BPNT2: variants seen among roughly 807,000 people sequenced by gnomAD.
BPNT2 encodes 3'(2'), 5'-bisphosphate nucleotidase 2.
BPNT2 carries 11 observed loss-of-function variants against 29.3 expected under a neutral mutation model. The observed-to-expected ratio is 0.38, with a 90% CI of 0.24 to 0.62. BPNT2 has a LOEUF of 0.62. BPNT2 is among the 20% of genes least tolerant of loss of function. The pLI is 0.62. For missense variants in BPNT2, 459 were observed against 473.4 expected (o/e 0.97, Z 0.28); for synonymous variants, 195 against 187.7 (o/e 1.04, Z -0.32).
In BPNT2 at chr8:56,980,200, G is replaced by C. The variant is rs889176246; in HGVS notation, c.388-3C>G. ...TCCACGTGTTCCTCAGTATTAATCT[G>C]CATTAAAAACAGGTGACAGTTAAAA... On this transcript the variant is annotated splice_polypyrimidine_tract_variant and splice_region_variant and intron_variant, in intron 1 of 4. Transcript: ENST00000262644. 1.2e-6 allele frequency: 2 copies of C among 1,611,998 alleles called. No homozygotes were observed. The highest frequency in any genetic ancestry group is 1.1e-5 in the South Asian group (1 of 90,986).
At chr8:56,988,413 A>G (rs1234654740) in intron 1 of BPNT2, among the ~76,000 whole-genome samples, 1 of 152,208 alleles carries the variant, frequency 6.6e-6, no homozygotes, top group Non-Finnish European at 1.5e-5. Context: ...CAATTACCTC[A>G]TTGGTAAAAA....
chr8:56,984,372 A>G (rs1365923511), intron 1 of BPNT2, among the ~76,000 whole-genome samples: 1 of 152,222 alleles, frequency 6.6e-6, no homozygotes, highest in East Asian at 1.9e-4. Context: ...CTACCCACCA[A>G]TGTAAACAAC....
chr8:56,974,074 A>G (rs1187011316), intron 3 of BPNT2, among the ~76,000 whole-genome samples: 2 of 152,094 alleles, frequency 1.3e-5, no homozygotes, highest in African/African-American at 4.8e-5. Context: ...TTTCCCTCTT[A>G]TTCAATCATA....
At chr8:56,964,123 CT>C (rs1805897092) in intron 4 of BPNT2, 59 bp from the exon 5 acceptor site, 1 of 1,276,960 alleles carries the variant, frequency 7.8e-7, no homozygotes, top group African/African-American at 1.5e-5. Context: ...AAGTAGCATA[CT>C]TTTTTGATTA....
intron 3 of BPNT2, among the ~76,000 whole-genome samples, chr8:56,971,789 C>CCCA (rs1554539102): frequency 1.4e-5 from 2 of 142,204 alleles, no homozygotes; most frequent in South Asian, 2.4e-4. Context: ...ACCACCCCCC[C>CCCA]CCCCACAATG....
In BPNT2 at chr8:56,960,746, G is replaced by T. The variant is rs191309561; in HGVS notation, c.*3047C>A. On this transcript the variant is annotated 3_prime_UTR_variant, in exon 5 of 5. Coordinates refer to ENST00000262644, the MANE Select transcript of BPNT2 (RefSeq NM_017813.5). ...TTTTACATTTACATTCTTGAACAAT[G>T]GGTAGAAAGAAATACTTCGTAAAAA... is the stretch of plus-strand genomic sequence containing the variant. The T allele has an allele frequency of 5.9e-5, 9 of 152,142 alleles. No homozygotes were observed. In the East Asian group the frequency reaches 1.7e-3, roughly 29 times the overall value. 9.4% of individuals were successfully genotyped at this position (152,142 alleles called of 1,614,324 possible).
At chr8:56,968,690 T>G (rs975735118) in intron 3 of BPNT2, among the ~76,000 whole-genome samples, 2 of 151,076 alleles carry the variant, frequency 1.3e-5, no homozygotes, top group Non-Finnish European at 3.0e-5. Context: ...ATAAAAAAAT[T>G]AGGAGAGGAC....
In BPNT2 at chr8:56,961,403, T is replaced by A. The variant is rs1445985353; in HGVS notation, c.*2390A>T. On this transcript the variant is annotated 3_prime_UTR_variant, in exon 5 of 5. Coordinates refer to ENST00000262644, the MANE Select transcript of BPNT2 (RefSeq NM_017813.5). Reference sequence around the variant, plus strand: ...ATATTGGCTTTTAAAAACAAACAATTTTAAAAATGAACTTTTTATAAAAGT... The same window carrying A: ...ATATTGGCTTTTAAAAACAAACAATATTAAAAATGAACTTTTTATAAAAGT... 1 of 152,082 alleles carries A rather than the reference T, an allele frequency of 6.6e-6. No homozygotes were observed. Among genetic ancestry groups the A allele is most frequent in the Non-Finnish European group, 1.5e-5 (1 of 68,020 alleles). 9.4% of individuals were successfully genotyped at this position (152,082 alleles called of 1,614,324 possible). A position where few individuals can be genotyped will look rare whatever the true frequency, so the allele number is the denominator to read the frequency against.
intron 3 of BPNT2, 144 bp from the exon 4 acceptor site, chr8:56,966,496 C>CT (rs995386306): frequency 4.7e-4 from 335 of 711,394 alleles, no homozygotes; most frequent in East Asian, 6.0e-4. Flanking sequence ...AAACAGAAAG[C>CT]TTTTTTTTTC....
At position 56,980,233 on chromosome 8, in the gene BPNT2, G is replaced by A. The variant is rs1324736627; in HGVS notation, c.388-36C>T. On this transcript the variant is annotated intron_variant, in intron 1 of 4. Coordinates refer to ENST00000262644, the MANE Select transcript of BPNT2 (RefSeq NM_017813.5). ...AACAGGTGACAGTTAAAAAAAGTAA[G>A]ACGAACAATCACTATTTGATAAACT... 3.2e-6 allele frequency: 5 copies of A among 1,550,802 alleles called. No individual in the cohort carries two copies. The South Asian group carries it at 5.6e-5, about 17-fold the overall frequency.
intron 3 of BPNT2, among the ~76,000 whole-genome samples, chr8:56,974,156 C>T (rs1215184139): frequency 6.6e-6 from 1 of 152,098 alleles, no homozygotes; most frequent in Admixed American, 6.5e-5. Flanking sequence ...AACAGTACAT[C>T]ATAAATATGC....
chr8:56,990,079 T>C (rs1806393112), intron 1 of BPNT2, among the ~76,000 whole-genome samples: 1 of 152,202 alleles, frequency 6.6e-6, no homozygotes, highest in Admixed American at 6.5e-5. Context: ...TGCACTATAT[T>C]AGTGCTTCTC....
intron 1 of BPNT2, among the ~76,000 whole-genome samples, chr8:56,992,127 C>T (rs961419678): frequency 2.0e-5 from 3 of 152,112 alleles, no homozygotes; most frequent in Non-Finnish European, 1.5e-5. Flanking sequence ...CTGGAAGAAG[C>T]CTTATGCAAA....
rs1805820083 is a variant in BPNT2, at chr8:56,960,777, AT to A, written c.*3015del. 6.6e-6 allele frequency: 1 copy of A among 152,156 alleles called. No individual in the cohort carries two copies. The highest frequency in any genetic ancestry group is 1.5e-5 in the Non-Finnish European group (1 of 68,020). The allele number at this position is 152,156 out of a possible 1,614,324, so 9.4% of individuals were successfully genotyped here. A position where few individuals can be genotyped will look rare whatever the true frequency, so the allele number is the denominator to read the frequency against. ...AAAGAAATACTTCGTAAAAACACTC[AT>A]ATTAGACTTGACAACATAAAGGGTT... is the stretch of plus-strand genomic sequence containing the variant. On this transcript the variant is annotated 3_prime_UTR_variant, in exon 5 of 5. Coordinates refer to ENST00000262644, the MANE Select transcript of BPNT2 (RefSeq NM_017813.5).
At chr8:56,979,820 C>T (rs1806210068) in intron 2 of BPNT2, among the ~76,000 whole-genome samples, 1 of 152,182 alleles carries the variant, frequency 6.6e-6, no homozygotes, top group Non-Finnish European at 1.5e-5. Context: ...TGCATTAAAA[C>T]TTAAATTCCT....
chr8:56,980,677 TA>T (rs1806224771), intron 1 of BPNT2, among the ~76,000 whole-genome samples: 1 of 151,142 alleles, frequency 6.6e-6, no homozygotes, highest in Non-Finnish European at 1.5e-5. Flanking sequence ...AAAATAAATT[TA>T]ACTTACCATA....
At chr8:56,965,140 CA>C (rs1230723406) in intron 4 of BPNT2, among the ~76,000 whole-genome samples, 2 of 151,950 alleles carry the variant, frequency 1.3e-5, no homozygotes, top group Non-Finnish European at 2.9e-5. Context: ...GGCAACGTGG[CA>C]AAACCCCGTC....
In BPNT2 at chr8:56,962,391, T is replaced by C. The variant is rs969117748; in HGVS notation, c.*1402A>G. On this transcript the variant is annotated 3_prime_UTR_variant, in exon 5 of 5. Coordinates refer to ENST00000262644, the MANE Select transcript of BPNT2 (RefSeq NM_017813.5). ...AATAAAGGGTAAGCTGCTTTATGGT[T>C]AAAAAATTTAGCAAAGAAAGAAACC... 6.6e-6 allele frequency: 1 copy of C among 152,172 alleles called. No homozygotes were observed. Among genetic ancestry groups the C allele is most frequent in the African/African-American group, 2.4e-5 (1 of 41,440 alleles). 9.4% of individuals were successfully genotyped at this position (152,172 alleles called of 1,614,324 possible).
intron 1 of BPNT2, among the ~76,000 whole-genome samples, chr8:56,992,931 CT>C (rs1806442237): frequency 6.6e-6 from 1 of 152,138 alleles, no homozygotes; most frequent in Non-Finnish European, 1.5e-5. Context: ...CTTTGTCAGC[CT>C]TTTCGTTTCA....
Sources: gnomAD v4.1 joint callset for allele counts (sites outside exome capture counted in the v4.1 genomes callset) on GRCh38, gnomAD v4.1.1 for gene constraint, MANE v1.5 for transcripts, NCBI Gene and HGNC (gene_info 2026-07-23, HGNC 2026-07-21) for gene names.